SNX4: variants seen among roughly 807,000 people sequenced by gnomAD.
SNX4 encodes the protein sorting nexin-4.
SNX4 carries 49 observed loss-of-function variants against 70.8 expected under a neutral mutation model. The observed-to-expected ratio is 0.69, with a 90% CI of 0.55 to 0.88. The LOEUF is 0.88. SNX4 is among the 40% of genes least tolerant of loss of function. SNX4 has a pLI of 0.00. For missense variants in SNX4, 528 were observed against 544.8 expected (o/e 0.97, Z 0.31); for synonymous variants, 206 against 183.8 (o/e 1.12, Z -0.98).
intron 2 of SNX4, among the ~76,000 whole-genome samples, chr3:125,500,891 C>CA (rs11293773): frequency 0.052 from 6,507 of 125,676 alleles, 347 homozygotes; most frequent in African/African-American, 0.13. Context: ...GGCTAATTTA[C>CA]AAAAAAAAAA....
intron 13 of SNX4, among the ~76,000 whole-genome samples, chr3:125,450,011 A>G (rs1049090450): frequency 1.3e-5 from 2 of 152,204 alleles, no homozygotes; most frequent in Admixed American, 1.3e-4. Context: ...TTGGGAGGCC[A>G]GGGCGGGAGG....
At chr3:125,516,660 G>A (rs1935290943) in intron 1 of SNX4, among the ~76,000 whole-genome samples, 1 of 152,134 alleles carries the variant, frequency 6.6e-6, no homozygotes, top group African/African-American at 2.4e-5. Context: ...GGCCAACATG[G>A]TGAAACCCCC....
chr3:125,469,586 C>CG (rs1235796336), intron 8 of SNX4, 67 bp from the exon 9 acceptor site: 5 of 1,081,640 alleles, frequency 4.6e-6, no homozygotes, highest in Non-Finnish European at 7.1e-6. Flanking sequence ...TAAATGGACT[C>CG]TTTTCAAGAT....
chr3:125,483,519 T>C (rs942480336), intron 6 of SNX4, among the ~76,000 whole-genome samples: 2 of 152,194 alleles, frequency 1.3e-5, no homozygotes, highest in African/African-American at 4.8e-5. Flanking sequence ...ATACTTAAAT[T>C]AGGTGAAGCA....
chr3:125,493,118 A>G (rs937053521), intron 5 of SNX4, among the ~76,000 whole-genome samples: 4 of 152,126 alleles, frequency 2.6e-5, no homozygotes, highest in Non-Finnish European at 5.9e-5. Context: ...TTGTGTATGT[A>G]TTTATTTTTA....
intron 1 of SNX4, among the ~76,000 whole-genome samples, chr3:125,507,087 A>T (rs1935061303): frequency 6.6e-6 from 1 of 150,804 alleles, no homozygotes; most frequent in African/African-American, 2.4e-5. Flanking sequence ...TTGTAATCCC[A>T]ATCTCAGCTA....
chr3:125,468,869 A>T lies in SNX4; in HGVS notation c.854+585T>A, dbSNP rs1176702443. On this transcript the variant is annotated intron_variant, in intron 9 of 13. Transcript: ENST00000251775. The stretch of plus-strand genomic sequence containing the variant: ...GTCTCTTTAAAAAAAAAAAAAAAAA[A>T]AAATCAGTTGTTAGTTCTACAATGT... Among the ~76,000 whole-genome samples, 3 of 152,024 alleles carry T rather than the reference A, an allele frequency of 2.0e-5. No individual in the cohort carries two copies. In the East Asian group the frequency reaches 5.8e-4, roughly 29 times the overall value.
intron 11 of SNX4, 105 bp downstream of exon 11, chr3:125,457,161 C>T: frequency 1.3e-6 from 1 of 776,032 alleles, no homozygotes; most frequent in Admixed American, 2.0e-5. Flanking sequence ...AGTATTGTAA[C>T]TGGAACTGAT....
At chr3:125,451,498 C>T in intron 12 of SNX4, 79 bp from the exon 13 acceptor site, 4 of 1,011,646 alleles carry the variant, frequency 4.0e-6, no homozygotes, top group Non-Finnish European at 6.0e-6. Context: ...TTCTCATTGG[C>T]GTTGGTTTTT....
Position 125,453,876 on chromosome 3 carries a change from A to AT in SNX4, c.1123dup (p.Ile375AsnfsTer10). On this transcript the variant is annotated frameshift_variant, in exon 12 of 14. Transcript: ENST00000251775. LOFTEE classifies it high-confidence loss of function. Reference sequence around the variant, plus strand: ...ATTTATTTGTTCTTCTAGCACCTTTATTCTGGCTTCTCTCTGCTCTGGAGT... The same window carrying AT: ...ATTTATTTGTTCTTCTAGCACCTTTATTTCTGGCTTCTCTCTGCTCTGGAGT... The AT allele has an allele frequency of 1.9e-6, 3 of 1,613,940 alleles. No homozygotes were observed. The highest frequency in any genetic ancestry group is 2.5e-6 in the Non-Finnish European group (3 of 1,179,908).
chr3:125,514,267 C>T (rs1935229277), intron 1 of SNX4, among the ~76,000 whole-genome samples: 1 of 152,024 alleles, frequency 6.6e-6, no homozygotes, highest in African/African-American at 2.4e-5. Context: ...TTTAAAATAA[C>T]AGCAGAGCTA....
At chr3:125,501,204 T>C (rs1934925158) in intron 2 of SNX4, among the ~76,000 whole-genome samples, 1 of 152,236 alleles carries the variant, frequency 6.6e-6, no homozygotes, top group African/African-American at 2.4e-5. Flanking sequence ...ATCCCATGTC[T>C]ATATGATGTG....
chr3:125,479,059 T>C (rs1335841885), intron 7 of SNX4, among the ~76,000 whole-genome samples: 1 of 152,164 alleles, frequency 6.6e-6, no homozygotes, highest in Non-Finnish European at 1.5e-5. Flanking sequence ...TTTTTTCCTT[T>C]ATTGTATTTT....
intron 13 of SNX4, among the ~76,000 whole-genome samples, chr3:125,448,596 A>AT (rs1249946036): frequency 6.6e-6 from 1 of 151,160 alleles, no homozygotes; most frequent in Non-Finnish European, 1.5e-5. Flanking sequence ...TAGCACAGTT[A>AT]TAGATGGCCT....
intron 2 of SNX4, among the ~76,000 whole-genome samples, chr3:125,500,297 A>G (rs1238793584): frequency 6.6e-6 from 1 of 152,212 alleles, no homozygotes; most frequent in African/African-American, 2.4e-5. Flanking sequence ...TTAATAACAT[A>G]CTGCCTTCCA....
chr3:125,482,841 T>C (rs1934444899), intron 6 of SNX4, among the ~76,000 whole-genome samples: 1 of 151,910 alleles, frequency 6.6e-6, no homozygotes, highest in Non-Finnish European at 1.5e-5. Flanking sequence ...GCAAGGAAAA[T>C]AATTTAGGGA....
chr3:125,484,286 G>A (rs920532127), intron 6 of SNX4, among the ~76,000 whole-genome samples: 1 of 152,150 alleles, frequency 6.6e-6, no homozygotes, highest in African/African-American at 2.4e-5. Context: ...AAGGGGTCTA[G>A]TTCTATCACC....
intron 6 of SNX4, among the ~76,000 whole-genome samples, chr3:125,484,447 G>T (rs1420923482): frequency 1.3e-5 from 2 of 152,082 alleles, no homozygotes; most frequent in African/African-American, 4.8e-5. Context: ...TAGAGACGGG[G>T]TTTCACCATG....
At chr3:125,495,824 T>C (rs1482173494) in intron 5 of SNX4, among the ~76,000 whole-genome samples, 1 of 152,240 alleles carries the variant, frequency 6.6e-6, no homozygotes, top group East Asian at 1.9e-4. Context: ...TTTTAATCTT[T>C]TCCTTGTTAG....
Sources: allele counts gnomAD v4.1 joint callset (sites outside exome capture counted in the v4.1 genomes callset), GRCh38; gene constraint gnomAD v4.1.1; transcripts MANE v1.5; gene names NCBI Gene and HGNC (gene_info 2026-07-23, HGNC 2026-07-21).